The following MIS18A variants were observed in gnomAD, a reference collection of about 807,000 sequenced individuals.
MIS18A encodes MIS18 kinetochore protein A, also known as protein Mis18-alpha.
MIS18A carries 14 observed loss-of-function variants against 25.0 expected under a neutral mutation model. The ratio of observed to expected loss-of-function variants is 0.56; its 90% CI spans 0.37 to 0.88. MIS18A has a LOEUF of 0.88. Among genes scored for constraint, MIS18A ranks in the 40% least tolerant of loss-of-function variants. MIS18A has a pLI of 0.00. For synonymous variants in MIS18A, 134 were observed against 118.6 expected (o/e 1.13, Z -0.84); for missense variants, 292 against 290.8 (o/e 1.00, Z -0.03).
the MIS18A span, among the ~76,000 whole-genome samples, chr21:32,253,302 C>T: frequency 6.6e-6 from 1 of 152,164 alleles, no homozygotes; most frequent in Non-Finnish European, 1.5e-5. Context: ...GACAGGTACA[C>T]AGCGGGCATG....
chr21:32,269,938 G>A (rs550245880), intron 3 of MIS18A, 135 bp from the exon 4 acceptor site: 179 of 619,812 alleles, frequency 2.9e-4, no homozygotes, highest in South Asian at 1.1e-3. Flanking sequence ...ACAAGACCCC[G>A]GGCAATATGC....
the MIS18A span, among the ~76,000 whole-genome samples, chr21:32,231,167 T>C: frequency 9.5e-5 from 14 of 147,666 alleles, 1 homozygote; most frequent in Admixed American, 6.2e-4. Context: ...ACCTGGGAAG[T>C]AGAGGTTGCA....
the MIS18A span, among the ~76,000 whole-genome samples, chr21:32,160,982 T>TA: frequency 1.3e-5 from 2 of 152,162 alleles, no homozygotes; most frequent in African/African-American, 4.8e-5. Flanking sequence ...GGCAATCAGA[T>TA]ACACATTTAT....
chr21:32,267,907 G>A (rs117458567), downstream of MIS18A, among the ~76,000 whole-genome samples: 990 of 152,280 alleles, frequency 6.5e-3, 9 homozygotes, highest in Middle Eastern at 0.031. Flanking sequence ...TGAGGCTGTC[G>A]ACAATCTCTC....
chr21:32,182,707 C>CATTCCA, the MIS18A span, among the ~76,000 whole-genome samples: 1 of 152,250 alleles, frequency 6.6e-6, no homozygotes, highest in African/African-American at 2.4e-5. Flanking sequence ...AATCCACAGG[C>CATTCCA]CTGGATTCCA....
the MIS18A span, among the ~76,000 whole-genome samples, chr21:32,204,313 A>G: frequency 6.6e-6 from 1 of 151,992 alleles, no homozygotes; most frequent in Admixed American, 6.6e-5. Context: ...CCTGGCCAAG[A>G]TCATGAAACC....
the MIS18A span, among the ~76,000 whole-genome samples, chr21:32,186,691 A>T: frequency 2.0e-5 from 3 of 152,226 alleles, no homozygotes; most frequent in Non-Finnish European, 2.9e-5. Context: ...TAAGAGCAAT[A>T]AGGCCAGTCT....
At chr21:32,261,856 A>G in the MIS18A span, among the ~76,000 whole-genome samples, 2 of 152,342 alleles carry the variant, frequency 1.3e-5, no homozygotes, top group African/African-American at 4.8e-5. Context: ...GTAGCCAGAG[A>G]ATCTCAAGGG....
At chr21:32,157,758 A>G in the MIS18A span, among the ~76,000 whole-genome samples, 1 of 152,140 alleles carries the variant, frequency 6.6e-6, no homozygotes, top group South Asian at 2.1e-4. Context: ...GCAACTCTTA[A>G]ATAGTTTCTT....
At chr21:32,206,999 C>A in the MIS18A span, among the ~76,000 whole-genome samples, 7 of 152,230 alleles carry the variant, frequency 4.6e-5, no homozygotes, top group Admixed American at 3.3e-4. Flanking sequence ...TTCCCCTGCA[C>A]GCCCCTTTCC....
At position 32,278,965 on chromosome 21, in the gene MIS18A, C is replaced by T. The variant is rs780281139; in HGVS notation, c.50G>A (p.Cys17Tyr). Residue 17 changes from cysteine (C) to tyrosine (Y), a missense_variant, in exon 1 of 5, where the codon TGT (cysteine) becomes TAT (tyrosine). Transcript: ENST00000290130. ...GCATTTGCCCTTGTCGCCGCACTCA[C>T]AGCCGCCAGCGCATCCTCTGCTACA... ...LRCSRGCAGG[C>Y]ECGDKGKCSD... The T allele has an allele frequency of 6.2e-7, 1 of 1,612,040 alleles. No homozygotes were observed. The highest frequency in any genetic ancestry group is 8.5e-7 in the Non-Finnish European group (1 of 1,179,950).
chr21:32,181,466 C>G, the MIS18A span, among the ~76,000 whole-genome samples: 4 of 152,290 alleles, frequency 2.6e-5, no homozygotes, highest in East Asian at 3.9e-4. Context: ...GGAATAATGA[C>G]TCTATCTTAG....
chr21:32,182,063 T>C, the MIS18A span, among the ~76,000 whole-genome samples: 2 of 152,370 alleles, frequency 1.3e-5, no homozygotes, highest in African/African-American at 4.8e-5. Context: ...TAAATATTAG[T>C]TGTTATTCTT....
the MIS18A span, among the ~76,000 whole-genome samples, chr21:32,163,634 A>G: frequency 0.032 from 4,946 of 152,224 alleles, 116 homozygotes; most frequent in Middle Eastern, 0.099. Flanking sequence ...TGAGGAATTG[A>G]TATCCTTCCT....
the MIS18A span, among the ~76,000 whole-genome samples, chr21:32,235,523 C>A: frequency 2.4e-4 from 36 of 152,310 alleles, no homozygotes; most frequent in African/African-American, 8.7e-4. Context: ...GTGACTCTGG[C>A]AGCCACTACC....
intron 2 of MIS18A, among the ~76,000 whole-genome samples, chr21:32,273,584 C>T (rs1416558070): frequency 6.6e-6 from 1 of 152,124 alleles, no homozygotes; most frequent in African/African-American, 2.4e-5. Flanking sequence ...CTCAAGAAAT[C>T]GAAAGGGTTT....
intron 1 of MIS18A, among the ~76,000 whole-genome samples, chr21:32,276,840 G>A (rs1437168862): frequency 2.6e-5 from 4 of 152,042 alleles, no homozygotes; most frequent in African/African-American, 9.7e-5. Context: ...GAGCCGGGAG[G>A]ATAGTTTGAG....
At chr21:32,213,088 C>T in the MIS18A span, among the ~76,000 whole-genome samples, 5 of 152,144 alleles carry the variant, frequency 3.3e-5, no homozygotes, top group Admixed American at 3.3e-4. Flanking sequence ...TTGGTACAAC[C>T]TTTAAGGTGG....
chr21:32,155,081 A>AT, the MIS18A span, among the ~76,000 whole-genome samples: 2 of 152,194 alleles, frequency 1.3e-5, no homozygotes, highest in Non-Finnish European at 1.5e-5. Context: ...ACCACTTATC[A>AT]TTGGGAGTAT....
Sources: allele counts gnomAD v4.1 joint callset (sites outside exome capture counted in the v4.1 genomes callset), GRCh38; gene constraint gnomAD v4.1.1; transcripts MANE v1.5; gene names NCBI Gene and HGNC (gene_info 2026-07-23, HGNC 2026-07-21).